Variants in LGALS3BP observed in about 807,000 individuals in gnomAD.
LGALS3BP encodes the protein galectin-3-binding protein.
LGALS3BP carries 25 observed loss-of-function variants against 22.9 expected under a neutral mutation model. That is an observed-to-expected ratio of 1.09 (90% CI 0.80 to 1.53). LGALS3BP has a LOEUF of 1.53. LGALS3BP is among the 40% of genes most tolerant of loss of function. The pLI is 0.00. For synonymous variants in LGALS3BP, 335 were observed against 331.1 expected, an observed-to-expected ratio of 1.01 and a Z score of -0.13; for missense variants, 718 against 752.0, an observed-to-expected ratio of 0.95 and a Z score of 0.53.
Position 78,972,893 on chromosome 17 carries a change from T to C in LGALS3BP, c.629+77A>G. On this transcript the variant is annotated intron_variant, in intron 5 of 5. Coordinates refer to ENST00000262776, the MANE Select transcript of LGALS3BP (RefSeq NM_005567.4). This position sits in a 1 kb window ranked among gnomAD's most constrained non-coding sequence, Gnocchi z 5.1. ...GCATGAGTATGTGCAGGTGTGTGTG[T>C]GGGGGGCTGTGCTTTTGAAGAGGGG... 1 of 1,522,296 alleles carries C rather than the reference T, an allele frequency of 6.6e-7. No individual in the cohort carries two copies. Among genetic ancestry groups the C allele is most frequent in the Non-Finnish European group, 8.9e-7 (1 of 1,127,358 alleles). 94.3% of individuals were successfully genotyped at this position (1,522,296 alleles called of 1,614,324 possible).
At position 78,971,402 on chromosome 17, in the gene LGALS3BP, A is replaced by G; in HGVS notation, c.*174T>C. The G allele has an allele frequency of 1.6e-6, 1 of 620,744 alleles. No individual in the cohort carries two copies. Among genetic ancestry groups the G allele is most frequent in the Admixed American group, 3.0e-5 (1 of 33,454 alleles). 38.5% of individuals were successfully genotyped at this position (620,744 alleles called of 1,614,324 possible). ...GAGGTGGTGGGAGAACTCCTGGTGGACCCTAGTGGAAGCCTTCCAGTAATT... is the reference window on the plus strand; with the variant it reads ...GAGGTGGTGGGAGAACTCCTGGTGGGCCCTAGTGGAAGCCTTCCAGTAATT... On this transcript the variant is annotated 3_prime_UTR_variant, in exon 6 of 6. Transcript: ENST00000262776. This position sits in a 1 kb window ranked among gnomAD's most constrained non-coding sequence, Gnocchi z 5.6.
chr17:78,977,383 G>A, intron 1 of LGALS3BP, 169 bp from the exon 2 acceptor site: 1 of 604,348 alleles, frequency 1.7e-6, no homozygotes, highest in South Asian at 2.0e-5. Flanking sequence ...TGCTGTGGAT[G>A]CCCCCGCGGG....
At chr17:78,978,185 G>T (rs988492553) in intron 1 of LGALS3BP, among the ~76,000 whole-genome samples, 1 of 152,218 alleles carries the variant, frequency 6.6e-6, no homozygotes, top group Non-Finnish European at 1.5e-5. Flanking sequence ...CTGCTTGGAG[G>T]GGGCCTGGTG....
At chr17:78,978,802 G>A (rs138347303) in intron 1 of LGALS3BP, among the ~76,000 whole-genome samples, 3,596 of 152,326 alleles carry the variant, frequency 0.024, 140 homozygotes, top group African/African-American at 0.082. Flanking sequence ...GATGGCTCAC[G>A]CCTGTAATCC....
At chr17:78,974,605 G>A in intron 4 of LGALS3BP, 83 bp downstream of exon 4, 6 of 1,436,144 alleles carry the variant, frequency 4.2e-6, no homozygotes, top group Non-Finnish European at 5.7e-6. Context: ...TCATGTGCGT[G>A]GGGGGGTGGT....
At chr17:78,979,532 C>T (rs938880587) in intron 1 of LGALS3BP, 10 of 152,212 alleles carry the variant, frequency 6.6e-5, no homozygotes, top group Admixed American at 2.6e-4. Flanking sequence ...GGGTGGATCA[C>T]CAGAGGTCAG....
chr17:78,971,442 G>T lies in LGALS3BP; in HGVS notation c.*134C>A. ...TTCCAGTAATTTCTTGAAGCTGAGC[G>T]CTCAGGTGAGTAGGGCGACATCTGG... On this transcript the variant is annotated 3_prime_UTR_variant, in exon 6 of 6. Transcript: ENST00000262776. This position sits in a 1 kb window ranked among gnomAD's most constrained non-coding sequence, Gnocchi z 5.6. 1.3e-6 allele frequency: 1 copy of T among 767,178 alleles called. No homozygotes were observed. Among genetic ancestry groups the T allele is most frequent in the Non-Finnish European group, 2.0e-6 (1 of 488,320 alleles). The allele number at this position is 767,178 out of a possible 1,614,324, so 47.5% of individuals were successfully genotyped here.
In LGALS3BP at chr17:78,976,992, T is replaced by A; in HGVS notation, c.52+148A>T. On this transcript the variant is annotated intron_variant, in intron 2 of 5. Transcript: ENST00000262776. The surrounding 1 kb of genome is among the most constrained non-coding windows in gnomAD (Gnocchi z 4.6). Reference sequence around the variant, plus strand: ...ACCTCCAAGTCATCATCACTGGGGATACCTGGTGCTTCAAGCAGGAGAGAA... The same window carrying A: ...ACCTCCAAGTCATCATCACTGGGGAAACCTGGTGCTTCAAGCAGGAGAGAA... 1 of 777,948 alleles carries A rather than the reference T, an allele frequency of 1.3e-6. No individual in the cohort carries two copies. The highest frequency in any genetic ancestry group is 2.2e-6 in the Non-Finnish European group (1 of 456,728). 48.2% of individuals were successfully genotyped at this position (777,948 alleles called of 1,614,324 possible). A position where few individuals can be genotyped will look rare whatever the true frequency, so the allele number is the denominator to read the frequency against.
In LGALS3BP at chr17:78,972,604, C is replaced by A. The variant is rs753469803; in HGVS notation, c.730G>T (p.Ala244Ser). 3 of 1,584,492 alleles carry A rather than the reference C, an allele frequency of 1.9e-6. No individual in the cohort carries two copies. The highest frequency in any genetic ancestry group is 8.6e-7 in the Non-Finnish European group (1 of 1,163,314). The stretch of plus-strand genomic sequence containing the variant: ...GGGAGGAGGATGGCAAAGAGGCTTG[C>A]GCAGTAGCCCTGCAGCTGCCTGGCC... Reference protein sequence around the residue: ...YGARQLQGYCASLFAILLPQD... With the variant: ...YGARQLQGYCSSLFAILLPQD... The change falls in exon 6 of 6, where the codon GCA becomes TCA. Residue 244 changes from alanine (A) to serine (S), a missense_variant. Ala to Ser is a moderately conservative substitution (Grantham distance 99, BLOSUM62 1). Transcript: ENST00000262776. This position sits in a 1 kb window ranked among gnomAD's most constrained non-coding sequence, Gnocchi z 5.1.
In LGALS3BP at chr17:78,971,367, G is replaced by A; in HGVS notation, c.*209C>T. 1.7e-6 allele frequency: 1 copy of A among 583,238 alleles called. No homozygotes were observed. The highest frequency in any genetic ancestry group is 2.2e-5 in the South Asian group (1 of 45,658). 36.1% of individuals were successfully genotyped at this position (583,238 alleles called of 1,614,324 possible). ...GAGGGCGTCCTGGTGCTTACCACCTGGAAACTGGTGAGGTGGTGGGAGAAC... is the reference window on the plus strand; with the variant it reads ...GAGGGCGTCCTGGTGCTTACCACCTAGAAACTGGTGAGGTGGTGGGAGAAC... On this transcript the variant is annotated 3_prime_UTR_variant, in exon 6 of 6. Transcript: ENST00000262776. This position sits in a 1 kb window ranked among gnomAD's most constrained non-coding sequence, Gnocchi z 5.6.
rs370062343 is a variant in LGALS3BP, at chr17:78,974,675, C to G, written c.376+13G>C. The G allele has an allele frequency of 3.7e-6, 6 of 1,610,270 alleles. No homozygotes were observed. The South Asian group carries it at 6.6e-5, about 18-fold the overall frequency. On this transcript the variant is annotated intron_variant, in intron 4 of 5. Transcript: ENST00000262776. Reference sequence around the variant, plus strand: ...ACACTGGGGCCTCCGCAGGGAGGTGCGCCCCCGCTCACCATTGGTGCAGAC... The same window carrying G: ...ACACTGGGGCCTCCGCAGGGAGGTGGGCCCCCGCTCACCATTGGTGCAGAC...
chr17:78,976,047 G>A lies in LGALS3BP; in HGVS notation c.162C>T (p.Asp54=), dbSNP rs1228619152. The change falls in exon 3 of 6, where the codon GAC becomes GAT. Residue 54 remains aspartate, a synonymous_variant. Coordinates refer to ENST00000262776, the MANE Select transcript of LGALS3BP (RefSeq NM_005567.4). This position sits in a 1 kb window ranked among gnomAD's most constrained non-coding sequence, Gnocchi z 4.6. ...GGCAGACGACGCTGGCATCAGTCAG[G>A]TCCCACAGGTTGTCACACACAGTGC... ...QWGTVCDNLW[D]LTDASVVCRA... 6.2e-7 allele frequency: 1 copy of A among 1,612,734 alleles called. No individual in the cohort carries two copies. The highest frequency in any genetic ancestry group is 1.7e-5 in the Admixed American group (1 of 59,944).
In LGALS3BP at chr17:78,973,479, C is replaced by T. The variant is rs2070693789; in HGVS notation, c.377-257G>A. 2 of 433,516 alleles carry T rather than the reference C, an allele frequency of 4.6e-6. No homozygotes were observed. The highest frequency in any genetic ancestry group is 5.0e-5 in the South Asian group (1 of 20,086). 26.9% of individuals were successfully genotyped at this position (433,516 alleles called of 1,614,324 possible). ...CCAGGCCCCCGCTTTAGGCCCTCTG[C>T]TCTGTGCTGCTCCCCCGACTCAGGC... On this transcript the variant is annotated intron_variant, in intron 4 of 5. Transcript: ENST00000262776. The surrounding 1 kb of genome is among the most constrained non-coding windows in gnomAD (Gnocchi z 5.8).
Position 78,976,280 on chromosome 17 carries a change from C to A in LGALS3BP, c.53-124G>T. ...TTGTATTTCAGGGCTTCAAGGTCCC[C>A]TGGCCTCTCCATGAGGGGCACCTCC... On this transcript the variant is annotated intron_variant, in intron 2 of 5. Coordinates refer to ENST00000262776, the MANE Select transcript of LGALS3BP (RefSeq NM_005567.4). This position sits in a 1 kb window ranked among gnomAD's most constrained non-coding sequence, Gnocchi z 4.6. 1.2e-6 allele frequency: 1 copy of A among 832,644 alleles called. No homozygotes were observed. The highest frequency in any genetic ancestry group is 1.8e-6 in the Non-Finnish European group (1 of 555,584). 51.6% of individuals were successfully genotyped at this position (832,644 alleles called of 1,614,324 possible).
rs1201510180 is a variant in LGALS3BP, at chr17:78,973,295, C to A, written c.377-73G>T. The A allele has an allele frequency of 4.9e-6, 7 of 1,417,050 alleles. No homozygotes were observed. Among genetic ancestry groups the A allele is most frequent in the Middle Eastern group, 2.6e-4 (1 of 3,886 alleles). The allele number at this position is 1,417,050 out of a possible 1,614,324, so 87.8% of individuals were successfully genotyped here. A position where few individuals can be genotyped will look rare whatever the true frequency, so the allele number is the denominator to read the frequency against. On this transcript the variant is annotated intron_variant, in intron 4 of 5. Coordinates refer to ENST00000262776, the MANE Select transcript of LGALS3BP (RefSeq NM_005567.4). The surrounding 1 kb of genome is among the most constrained non-coding windows in gnomAD (Gnocchi z 5.8). ...TGCCACTCTCTGGGGTCAGTGTCTT[C>A]ATCTGAAAGTGAGGGATTTGTGGCT...
Position 78,973,102 on chromosome 17 carries a change from G to T in LGALS3BP, c.497C>A (p.Ala166Asp), listed in dbSNP as rs780249821. ...SISVNVQGEDALGFCGHTVIL... is the reference protein window; with the variant it reads ...SISVNVQGEDDLGFCGHTVIL... The stretch of plus-strand genomic sequence containing the variant: ...GACCGTGTGGCCACAGAAGCCCAGG[G>T]CGTCCTCGCCCTGCACATTCACGCT... The change falls in exon 5 of 6, where the codon GCC becomes GAC. Residue 166 changes from alanine to aspartate, a missense_variant. Coordinates refer to ENST00000262776, the MANE Select transcript of LGALS3BP (RefSeq NM_005567.4). This position sits in a 1 kb window ranked among gnomAD's most constrained non-coding sequence, Gnocchi z 5.8. 1 of 1,613,654 alleles carries T rather than the reference G, an allele frequency of 6.2e-7. No individual in the cohort carries two copies. Among genetic ancestry groups the T allele is most frequent in the Non-Finnish European group, 8.5e-7 (1 of 1,179,968 alleles).
chr17:78,972,254 C>A lies in LGALS3BP; in HGVS notation c.1080G>T (p.Gln360His), dbSNP rs1048447815. ...MMLPEELFEL[Q>H]FNLSLYWSHE... ...GGCTCCAGTACAGGGACAGGTTGAA[C>A]TGCAGCTCAAAGAGCTCCTCAGGGA... is the stretch of plus-strand genomic sequence containing the variant. The change falls in exon 6 of 6, where the codon CAG becomes CAT. Residue 360 changes from glutamine to histidine, a missense_variant. Transcript: ENST00000262776. This position sits in a 1 kb window ranked among gnomAD's most constrained non-coding sequence, Gnocchi z 5.1. 1 of 1,613,752 alleles carries A rather than the reference C, an allele frequency of 6.2e-7. No homozygotes were observed. Among genetic ancestry groups the A allele is most frequent in the Non-Finnish European group, 8.5e-7 (1 of 1,179,962 alleles).
In LGALS3BP at chr17:78,971,592, G is replaced by A. The variant is rs200851562; in HGVS notation, c.1742C>T (p.Ser581Phe). The A allele has an allele frequency of 4.5e-5, 72 of 1,613,268 alleles. No individual in the cohort carries two copies. Among genetic ancestry groups the A allele is most frequent in the Non-Finnish European group, 5.1e-6 (6 of 1,179,920 alleles). The stretch of plus-strand genomic sequence containing the variant: ...CCACGCCGTCTAGTCCACACCTGAG[G>A]AGTTGGTCAGGTAGAAGGGGCGGAT... ...TVIRPFYLTN[S>F]SGVD Residue 581 changes from serine to phenylalanine, a missense_variant, in exon 6 of 6, where the codon TCC (serine) becomes TTC (phenylalanine). Ser to Phe is a radical substitution (Grantham distance 155). Coordinates refer to ENST00000262776, the MANE Select transcript of LGALS3BP (RefSeq NM_005567.4). This position sits in a 1 kb window ranked among gnomAD's most constrained non-coding sequence, Gnocchi z 5.6.
At chr17:78,979,180 T>C (rs574418546) in intron 1 of LGALS3BP, among the ~76,000 whole-genome samples, 2 of 152,240 alleles carry the variant, frequency 1.3e-5, no homozygotes, top group Non-Finnish European at 2.9e-5. Context: ...CTGCCTGTGT[T>C]GGCCCCTTCG....
Sources: gnomAD v4.1 joint callset for allele counts (sites outside exome capture counted in the v4.1 genomes callset) on GRCh38, gnomAD v4.1.1 for gene constraint, Gnocchi (gnomAD v3.1) non-coding constraint, MANE v1.5 for transcripts, NCBI Gene and HGNC (gene_info 2026-07-23, HGNC 2026-07-21) for gene names.